The following AKR1B15 variants were observed in gnomAD, a reference collection of about 807,000 sequenced individuals.
AKR1B15 encodes aldo-keto reductase family 1 member B15.
A neutral mutation model predicts 38.5 loss-of-function variants in AKR1B15; 49 were observed. That is an observed-to-expected ratio of 1.27 (90% CI 1.01 to 1.62). AKR1B15 has a LOEUF of 1.62. Ranked by LOEUF, AKR1B15 falls within the 40% of genes most tolerant of loss-of-function variation. The probability of loss-of-function intolerance (pLI) is 0.00; values close to 1 mark genes in which losing one functional copy is unlikely to be tolerated. For missense variants in AKR1B15, 411 were observed against 381.6 expected (o/e 1.08, Z -0.64); for synonymous variants, 137 against 135.5 (o/e 1.01, Z -0.08).
At chr7:134,564,393 A>G (rs1479363372) in intron 2 of AKR1B15, among the ~76,000 whole-genome samples, 1 of 152,122 alleles carries the variant, frequency 6.6e-6, no homozygotes, top group Non-Finnish European at 1.5e-5. Context: ...TTTTACACTA[A>G]CCAGTCAGGG....
In AKR1B15 at chr7:134,575,712, G is replaced by A. The variant is rs73724979; in HGVS notation, c.637-109G>A. On this transcript the variant is annotated intron_variant, in intron 7 of 11. Transcript: ENST00000457545. ...GGTGATTTAGCAAGAATCTCAGTGC[G>A]CACTTGTTTGGCCTTTGCTTGGTGG... The A allele has an allele frequency of 3.7e-3, 5,912 of 1,586,180 alleles. 193 individuals carry two copies. In the African/African-American group the frequency reaches 0.068, roughly 18 times the overall value.
At chr7:134,553,445 C>T (rs1379212195) in intron 1 of AKR1B15, among the ~76,000 whole-genome samples, 5 of 152,188 alleles carry the variant, frequency 3.3e-5, no homozygotes, top group African/African-American at 1.2e-4. Context: ...CATGGCAACA[C>T]CCAGTGGCCT....
intron 11 of AKR1B15, 128 bp from the exon 12 acceptor site, chr7:134,579,379 G>A (rs1585819504): frequency 5.4e-6 from 4 of 734,140 alleles, no homozygotes; most frequent in Non-Finnish European, 8.5e-6. Context: ...CACCCTTCTT[G>A]TGTTCTTGCA....
At position 134,579,669 on chromosome 7, in the gene AKR1B15, T is replaced by A; in HGVS notation, c.*120T>A. The A allele has an allele frequency of 2.3e-6, 2 of 880,760 alleles. No homozygotes were observed. The highest frequency in any genetic ancestry group is 3.4e-6 in the Non-Finnish European group (2 of 586,422). 54.6% of individuals were successfully genotyped at this position (880,760 alleles called of 1,614,324 possible). On this transcript the variant is annotated 3_prime_UTR_variant, in exon 12 of 12. Transcript: ENST00000457545. ...GAGATCACAGTGAACTTTGTCCTGT[T>A]GTAGACCAGAATGGAGGTGCTGTTT...
chr7:134,553,772 G>T (rs1794084750), intron 1 of AKR1B15, among the ~76,000 whole-genome samples: 1 of 152,228 alleles, frequency 6.6e-6, no homozygotes, highest in Admixed American at 6.5e-5. Context: ...GCCAAGAACT[G>T]TTAGAAACTA....
intron 11 of AKR1B15, 120 bp downstream of exon 11, chr7:134,577,906 C>T (rs1794800505): frequency 1.7e-6 from 2 of 1,198,652 alleles, no homozygotes; most frequent in Non-Finnish European, 2.4e-6. Flanking sequence ...TATTTTGGGG[C>T]AGTTTTGAAA....
At chr7:134,565,647 T>G (rs1794516209) in intron 3 of AKR1B15, 1 of 1,535,396 alleles carries the variant, frequency 6.5e-7, no homozygotes, top group African/African-American at 1.4e-5. Flanking sequence ...CGGGTAGGGG[T>G]TTGGAGAGGT....
chr7:134,556,137 A>G (rs1794187960), intron 1 of AKR1B15, among the ~76,000 whole-genome samples: 1 of 152,210 alleles, frequency 6.6e-6, no homozygotes, highest in Non-Finnish European at 1.5e-5. Flanking sequence ...TGGTCCCATG[A>G]AGCCAATCAG....
intron 11 of AKR1B15, among the ~76,000 whole-genome samples, chr7:134,578,729 G>A (rs141263990): frequency 1.6e-3 from 246 of 152,320 alleles, no homozygotes; most frequent in Middle Eastern, 6.8e-3. Flanking sequence ...TATCTCAAGC[G>A]TTGCTTGCAT....
intron 2 of AKR1B15, among the ~76,000 whole-genome samples, chr7:134,557,086 A>G (rs1794223461): frequency 6.6e-6 from 1 of 152,208 alleles, no homozygotes; most frequent in Middle Eastern, 3.2e-3. Context: ...GATAGATGCC[A>G]GAAGGAACAA....
chr7:134,569,412 G>T lies in AKR1B15; in HGVS notation c.319-1G>T. 1.9e-6 allele frequency: 3 copies of T among 1,614,012 alleles called. No homozygotes were observed. The highest frequency in any genetic ancestry group is 2.5e-6 in the Non-Finnish European group (3 of 1,179,922). On this transcript the variant is annotated splice_acceptor_variant, in intron 4 of 11. Coordinates refer to ENST00000457545, the MANE Select transcript of AKR1B15 (RefSeq NM_001080538.3). LOFTEE classifies it high-confidence loss of function. ...CTAGCTCATTGCTACACTCTTTGCA[G>T]GTGTGGCCCACTTTCTTTGAGAGAC... is the stretch of plus-strand genomic sequence containing the variant.
At chr7:134,562,748 G>C (rs1794432104) in intron 2 of AKR1B15, among the ~76,000 whole-genome samples, 1 of 151,956 alleles carries the variant, frequency 6.6e-6, no homozygotes, top group Non-Finnish European at 1.5e-5. Flanking sequence ...TTAGTAGAGA[G>C]GGAGTATCAC....
At chr7:134,551,951 G>A (rs1479531495) in intron 1 of AKR1B15, among the ~76,000 whole-genome samples, 1 of 152,192 alleles carries the variant, frequency 6.6e-6, no homozygotes, top group Non-Finnish European at 1.5e-5. Context: ...AACCCATGGT[G>A]ACCACCACAG....
rs182082553 is a variant in AKR1B15, at chr7:134,560,773, C to T, written c.-22-3825C>T. ...GTACACCTGAAAACCAAAAGTACCA[C>T]GAAAGACGGCGAACACCACAACCTT... On this transcript the variant is annotated intron_variant, in intron 2 of 11. Transcript: ENST00000457545. 7.8e-3 allele frequency among the ~76,000 whole-genome samples: 1,190 copies of T among 152,206 alleles called. 15 individuals carry two copies. Among genetic ancestry groups the T allele is most frequent in the African/African-American group, 0.027 (1,118 of 41,528 alleles).
chr7:134,560,736 G>A (rs1201740255), intron 2 of AKR1B15, among the ~76,000 whole-genome samples: 2 of 152,134 alleles, frequency 1.3e-5, no homozygotes, highest in Non-Finnish European at 2.9e-5. Context: ...TGAAAAGAGG[G>A]TTCTAATGGT....
At position 134,549,727 on chromosome 7, in the gene AKR1B15, G is replaced by A. The variant is rs192607373; in HGVS notation, c.-147+478G>A. ...GAGGGCATCTGACTGATCCCATCAC[G>A]GGACCCCCTCCCCTTGTCTGTCTAT... is the stretch of plus-strand genomic sequence containing the variant. On this transcript the variant is annotated intron_variant, in intron 1 of 11. Coordinates refer to ENST00000457545, the MANE Select transcript of AKR1B15 (RefSeq NM_001080538.3). Among the ~76,000 whole-genome samples, 17 of 152,282 alleles carry A rather than the reference G, an allele frequency of 1.1e-4. No homozygotes were observed. The East Asian group carries it at 3.1e-3, about 28-fold the overall frequency.
chr7:134,573,191 T>C (rs747388628), intron 6 of AKR1B15, among the ~76,000 whole-genome samples: 1 of 152,056 alleles, frequency 6.6e-6, no homozygotes, highest in Non-Finnish European at 1.5e-5. Context: ...CCACCACACA[T>C]GGATAATTTT....
intron 6 of AKR1B15, among the ~76,000 whole-genome samples, chr7:134,572,317 A>G (rs1168434870): frequency 6.6e-6 from 1 of 152,204 alleles, no homozygotes; most frequent in Non-Finnish European, 1.5e-5. Flanking sequence ...CACCAAAACC[A>G]TCAGCATGGT....
At chr7:134,572,447 T>G (rs1233074432) in intron 6 of AKR1B15, among the ~76,000 whole-genome samples, 1 of 151,880 alleles carries the variant, frequency 6.6e-6, no homozygotes, top group Non-Finnish European at 1.5e-5. Flanking sequence ...GCTAGCAGAG[T>G]AAAACGCTGT....
Sources: allele counts gnomAD v4.1 joint callset (sites outside exome capture counted in the v4.1 genomes callset), GRCh38; gene constraint gnomAD v4.1.1; transcripts MANE v1.5; gene names NCBI Gene and HGNC (gene_info 2026-07-23, HGNC 2026-07-21).